Variants in DDX60 observed in about 807,000 individuals in gnomAD.
DDX60 encodes the protein probable ATP-dependent RNA helicase DDX60.
In DDX60, 165 loss-of-function variants were observed where a neutral mutation model predicts 212.8. The observed-to-expected ratio is 0.78, with a 90% CI of 0.68 to 0.88. The LOEUF (loss-of-function observed/expected upper bound fraction) is 0.88, where lower values mean the gene tolerates loss of function less well. Ranked by LOEUF, DDX60 falls within the 40% of genes least tolerant of loss-of-function variation. The pLI is 0.00. For synonymous variants in DDX60, 703 were observed against 685.3 expected (o/e 1.03, Z -0.40); for missense variants, 1,905 against 2,003.9 (o/e 0.95, Z 0.94).
intron 22 of DDX60, among the ~76,000 whole-genome samples, chr4:168,265,051 G>A (rs1734783122): frequency 6.6e-6 from 1 of 152,136 alleles, no homozygotes; most frequent in South Asian, 2.1e-4. Flanking sequence ...ACTTCCTGGG[G>A]CTGATAGCTC....
intron 14 of DDX60, among the ~76,000 whole-genome samples, chr4:168,279,776 A>G (rs1385439518): frequency 6.6e-6 from 1 of 152,256 alleles, no homozygotes; most frequent in Non-Finnish European, 1.5e-5. Flanking sequence ...GAACTTATTG[A>G]GTCATCTAGG....
chr4:168,311,085 G>T lies in DDX60; in HGVS notation c.5-18C>A. ...ATTTCTTTCTAAATTTAAAAAAAAA[G>T]AGAGAAAGAGAATGGGTTATTTTTC... On this transcript the variant is annotated intron_variant, in intron 2 of 37. Transcript: ENST00000393743. 3 of 1,481,788 alleles carry T rather than the reference G, an allele frequency of 2.0e-6. No homozygotes were observed. Among genetic ancestry groups the T allele is most frequent in the Non-Finnish European group, 1.9e-6 (2 of 1,071,034 alleles). 91.8% of individuals were successfully genotyped at this position (1,481,788 alleles called of 1,614,324 possible).
intron 28 of DDX60, among the ~76,000 whole-genome samples, chr4:168,248,522 T>C (rs891482153): frequency 1.3e-5 from 2 of 152,182 alleles, no homozygotes; most frequent in African/African-American, 4.8e-5. Flanking sequence ...TTCGTTTCTC[T>C]GGCTTCTTCA....
chr4:168,315,929 T>G (rs1262550158), intron 1 of DDX60, among the ~76,000 whole-genome samples: 1 of 152,252 alleles, frequency 6.6e-6, no homozygotes, highest in Non-Finnish European at 1.5e-5. Context: ...TATAATCCTT[T>G]GGGTATATAC....
chr4:168,295,268 C>G (rs541231711), intron 6 of DDX60, among the ~76,000 whole-genome samples: 1 of 152,322 alleles, frequency 6.6e-6, no homozygotes, highest in South Asian at 2.1e-4. Context: ...ATGGTTAAAG[C>G]AAACTAAATA....
chr4:168,248,395 G>A, intron 28 of DDX60, 103 bp from the exon 29 acceptor site: 1 of 746,300 alleles, frequency 1.3e-6, no homozygotes, highest in Non-Finnish European at 2.1e-6. Context: ...CTTCAATTAA[G>A]CCACAATGGG....
At chr4:168,267,760 G>A (rs1402342280) in intron 21 of DDX60, 69 bp from the exon 22 acceptor site, 16 of 1,525,570 alleles carry the variant, frequency 1.0e-5, no homozygotes, top group Middle Eastern at 1.8e-4. Context: ...TAAAGTAAAC[G>A]GCATCAAGAT....
intron 37 of DDX60, among the ~76,000 whole-genome samples, chr4:168,219,815 T>C (rs1383300920): frequency 2.6e-5 from 4 of 152,054 alleles, no homozygotes; most frequent in African/African-American, 9.7e-5. Context: ...GGCAGGCAGA[T>C]CACCTGAGGT....
At chr4:168,224,168 T>C in intron 35 of DDX60, 75 bp downstream of exon 35, 2 of 1,540,700 alleles carry the variant, frequency 1.3e-6, no homozygotes, top group Admixed American at 1.9e-5. Flanking sequence ...TTCGAAGTTC[T>C]TTCTAAGCTG....
intron 19 of DDX60, among the ~76,000 whole-genome samples, chr4:168,269,549 T>G (rs544461698): frequency 6.6e-6 from 1 of 151,788 alleles, no homozygotes; most frequent in Admixed American, 6.6e-5. Context: ...TGCAGTGAGC[T>G]GAGATCGCGC....
At chr4:168,227,384 C>A (rs577484955) in intron 33 of DDX60, among the ~76,000 whole-genome samples, 1 of 151,896 alleles carries the variant, frequency 6.6e-6, no homozygotes, top group African/African-American at 2.4e-5. Context: ...TTGCTCTTTG[C>A]GATGTCTAAA....
upstream of DDX60, among the ~76,000 whole-genome samples, chr4:168,322,493 G>A (rs922295320): frequency 3.3e-5 from 5 of 152,098 alleles, no homozygotes; most frequent in African/African-American, 1.2e-4. Context: ...ACTCCAGTCT[G>A]TCCCTCCAAT....
chr4:168,238,352 A>T (rs1270772224), intron 30 of DDX60, among the ~76,000 whole-genome samples: 1 of 145,876 alleles, frequency 6.9e-6, no homozygotes, highest in East Asian at 2.1e-4. Context: ...AGGTTAATGG[A>T]CTAGGAGGAG....
At chr4:168,256,020 T>C in intron 25 of DDX60, 151 bp from the exon 26 acceptor site, 5 of 753,588 alleles carry the variant, frequency 6.6e-6, no homozygotes, top group Non-Finnish European at 9.9e-6. Flanking sequence ...ACACCAGGTG[T>C]TCTGAATCAG....
Position 168,216,965 on chromosome 4 carries a change from T to C in DDX60, c.5107A>G (p.Thr1703Ala). Residue 1703 changes from threonine to alanine, a missense_variant, in exon 38 of 38, where the codon ACA becomes GCA. Transcript: ENST00000393743. Reference protein sequence around the residue: ...NVVLAFEQLSTTFWEKLNKV With the variant: ...NVVLAFEQLSATFWEKLNKV ...TTGTTTAACTTTTCCCAAAAAGTTG[T>C]ACTCAGTTGTTCAAAGGCTAAGACA... 6.2e-7 allele frequency: 1 copy of C among 1,604,760 alleles called. No homozygotes were observed. Among genetic ancestry groups the C allele is most frequent in the Non-Finnish European group, 8.5e-7 (1 of 1,177,142 alleles).
intron 8 of DDX60, 117 bp downstream of exon 8, chr4:168,291,631 T>G (rs1736107472): frequency 1.1e-6 from 1 of 886,616 alleles, no homozygotes; most frequent in East Asian, 3.0e-5. Context: ...CCCATTAAAC[T>G]TTTATAGCCC....
At chr4:168,249,199 C>G (rs928153661) in intron 28 of DDX60, among the ~76,000 whole-genome samples, 1 of 152,072 alleles carries the variant, frequency 6.6e-6, no homozygotes, top group African/African-American at 2.4e-5. Context: ...AAAAGCATAC[C>G]TCAGTAATTT....
intron 19 of DDX60, among the ~76,000 whole-genome samples, chr4:168,271,551 C>T (rs1735097605): frequency 6.6e-6 from 1 of 152,230 alleles, no homozygotes; most frequent in South Asian, 2.1e-4. Flanking sequence ...AAACTACTAG[C>T]TCTATATTAC....
At chr4:168,219,584 A>T (rs1732977399) in intron 37 of DDX60, among the ~76,000 whole-genome samples, 1 of 152,160 alleles carries the variant, frequency 6.6e-6, no homozygotes, top group Non-Finnish European at 1.5e-5. Flanking sequence ...AAAAAGTCCA[A>T]ACAGGCCGAT....
Sources: gnomAD v4.1 joint callset for allele counts (sites outside exome capture counted in the v4.1 genomes callset) on GRCh38, gnomAD v4.1.1 for gene constraint, MANE v1.5 for transcripts, NCBI Gene and HGNC (gene_info 2026-07-23, HGNC 2026-07-21) for gene names.